CCSER1: variants seen among roughly 807,000 people sequenced by gnomAD.
The protein encoded by CCSER1 is serine-rich coiled-coil domain-containing protein 1.
In CCSER1, 41 loss-of-function variants were observed where a neutral mutation model predicts 82.0. The observed-to-expected ratio is 0.50, with a 90% CI of 0.39 to 0.65. The LOEUF (loss-of-function observed/expected upper bound fraction) is 0.65. CCSER1 is among the 30% of genes least tolerant of loss of function. The probability of loss-of-function intolerance (pLI) is 0.00; values close to 1 mark genes in which losing one functional copy is unlikely to be tolerated. For missense variants in CCSER1, 1,119 were observed against 1,064.2 expected (o/e 1.05, Z -0.72); for synonymous variants, 414 against 383.9 (o/e 1.08, Z -0.92).
At chr4:91,430,745 C>G (rs1359022439) in intron 10 of CCSER1, among the ~76,000 whole-genome samples, 1 of 152,198 alleles carries the variant, frequency 6.6e-6, no homozygotes, top group Non-Finnish European at 1.5e-5. Context: ...TCTTTTCCTA[C>G]TTCTTTAGCT....
intron 5 of CCSER1, among the ~76,000 whole-genome samples, chr4:90,559,773 G>A (rs1778525019): frequency 2.3e-5 from 3 of 131,304 alleles, no homozygotes; most frequent in South Asian, 4.9e-4. Context: ...TCGCGCCACT[G>A]CACTCCAGCC....
intron 10 of CCSER1, among the ~76,000 whole-genome samples, chr4:91,415,745 T>C (rs1345864242): frequency 6.6e-6 from 1 of 152,154 alleles, no homozygotes; most frequent in Non-Finnish European, 1.5e-5. Flanking sequence ...AACCTTGCAT[T>C]CCAGGAAGAA....
chr4:90,325,569 C>T, intron 3 of CCSER1: 1 of 405,116 alleles, frequency 2.5e-6, no homozygotes, highest in Non-Finnish European at 5.1e-6. Context: ...GCTTCCATAG[C>T]ATAAGAGATA....
intron 8 of CCSER1, among the ~76,000 whole-genome samples, chr4:90,820,112 G>A (rs929531503): frequency 6.6e-6 from 1 of 152,138 alleles, no homozygotes; most frequent in African/African-American, 2.4e-5. Context: ...TGGGGCCTTA[G>A]CTTTCTTTAC....
At chr4:91,335,601 G>A (rs961471004) in intron 10 of CCSER1, among the ~76,000 whole-genome samples, 2 of 152,068 alleles carry the variant, frequency 1.3e-5, no homozygotes, top group Non-Finnish European at 2.9e-5. Flanking sequence ...CATAGAAGGG[G>A]TATTATAATA....
intron 9 of CCSER1, among the ~76,000 whole-genome samples, chr4:90,988,334 C>CAAAAAAAAAAAA (rs60408059): frequency 8.0e-5 from 6 of 75,384 alleles, no homozygotes; most frequent in African/African-American, 2.3e-4. Flanking sequence ...TATCTTGTCT[C>CAAAAAAAAAAAA]AAAAAAAAAA....
chr4:91,270,295 T>C (rs1581878169), intron 10 of CCSER1, among the ~76,000 whole-genome samples: 1 of 152,152 alleles, frequency 6.6e-6, no homozygotes, highest in Non-Finnish European at 1.5e-5. Context: ...ATTTTAACAT[T>C]TTTCCTAGGT....
chr4:90,831,235 A>C (rs1310004136), intron 8 of CCSER1, among the ~76,000 whole-genome samples: 2 of 152,290 alleles, frequency 1.3e-5, no homozygotes, highest in Admixed American at 1.3e-4. Context: ...TTGAATACTG[A>C]AAAAGGTATT....
At chr4:90,529,616 C>T (rs1281185014) in intron 5 of CCSER1, among the ~76,000 whole-genome samples, 2 of 152,156 alleles carry the variant, frequency 1.3e-5, no homozygotes, top group Non-Finnish European at 2.9e-5. Flanking sequence ...AATTTAATCA[C>T]TTAAGAATGG....
At chr4:91,424,853 A>G (rs1578420397) in intron 10 of CCSER1, among the ~76,000 whole-genome samples, 1 of 152,106 alleles carries the variant, frequency 6.6e-6, no homozygotes, top group African/African-American at 2.4e-5. Context: ...GTAGAAAAAG[A>G]AAATGTTTTA....
chr4:91,122,650 T>C (rs1727189951), intron 10 of CCSER1, among the ~76,000 whole-genome samples: 1 of 151,812 alleles, frequency 6.6e-6, no homozygotes, highest in Non-Finnish European at 1.5e-5. Context: ...CCGTTGGAAG[T>C]GTTTTTTGCT....
intron 10 of CCSER1, among the ~76,000 whole-genome samples, chr4:91,211,822 T>C (rs1736845244): frequency 6.6e-6 from 1 of 150,980 alleles, no homozygotes; most frequent in African/African-American, 2.5e-5. Context: ...TTATCAGTAG[T>C]AAATAGTGAT....
chr4:91,363,908 A>T (rs1236952907), intron 10 of CCSER1, among the ~76,000 whole-genome samples: 1 of 151,546 alleles, frequency 6.6e-6, no homozygotes, highest in Non-Finnish European at 1.5e-5. Context: ...CACAAATGAG[A>T]CTCTAACTGT....
intron 10 of CCSER1, among the ~76,000 whole-genome samples, chr4:91,200,733 TAACAGACTCC>T: frequency 6.6e-6 from 1 of 152,150 alleles, no homozygotes; most frequent in East Asian, 1.9e-4. Flanking sequence ...AATAAGCATT[TAACAGACTCC>T]AATGCCAAAT....
chr4:90,690,014 A>G (rs1352615925), intron 6 of CCSER1, among the ~76,000 whole-genome samples: 1 of 152,046 alleles, frequency 6.6e-6, no homozygotes, highest in Non-Finnish European at 1.5e-5. Flanking sequence ...TTCAAAGCAA[A>G]CAAGAATAAA....
chr4:91,086,724 C>A (rs1723435671), intron 10 of CCSER1, among the ~76,000 whole-genome samples: 1 of 152,038 alleles, frequency 6.6e-6, no homozygotes, highest in Admixed American at 6.6e-5. Context: ...ACTGTCCTCT[C>A]CATTTGTAGC....
At chr4:91,134,258 G>A (rs1209070693) in intron 10 of CCSER1, among the ~76,000 whole-genome samples, 1 of 152,014 alleles carries the variant, frequency 6.6e-6, no homozygotes, top group Non-Finnish European at 1.5e-5. Flanking sequence ...TTATTGGGGT[G>A]TAGTGGCCCA....
At chr4:90,936,331 A>G (rs951981863) in intron 9 of CCSER1, among the ~76,000 whole-genome samples, 24 of 152,152 alleles carry the variant, frequency 1.6e-4, no homozygotes, top group Non-Finnish European at 2.6e-4. Context: ...CCAGAGTGGT[A>G]AATCATAAAA....
At position 91,602,727 on chromosome 4, in the gene CCSER1, A is replaced by T. The variant is rs1336530823; in HGVS notation, c.*3670A>T. Among the ~76,000 whole-genome samples the T allele has an allele frequency of 2.0e-5, 3 of 152,066 alleles. No homozygotes were observed. Among genetic ancestry groups the T allele is most frequent in the Non-Finnish European group, 2.9e-5 (2 of 67,938 alleles). On this transcript the variant is annotated 3_prime_UTR_variant, in exon 11 of 11. Coordinates refer to ENST00000509176, the MANE Select transcript of CCSER1 (RefSeq NM_001145065.2). ...CATTGAAACATATACACACAGATGA[A>T]ACTAGAAAAGAAAGGGCAATACATG...
Sources: gnomAD v4.1 joint callset for allele counts (sites outside exome capture counted in the v4.1 genomes callset) on GRCh38, gnomAD v4.1.1 for gene constraint, MANE v1.5 for transcripts, NCBI Gene and HGNC (gene_info 2026-07-23, HGNC 2026-07-21) for gene names.